PRSS22: variants seen among roughly 807,000 people sequenced by gnomAD.
PRSS22 encodes the protein serine protease 22.
Under a neutral mutation model 28.0 loss-of-function variants are expected in PRSS22, and 26 were observed. That is an observed-to-expected ratio of 0.93 (90% CI 0.68 to 1.29). The LOEUF (loss-of-function observed/expected upper bound fraction) is 1.29, where lower values mean the gene tolerates loss of function less well. Ranked by LOEUF, PRSS22 falls within the 50% of genes most tolerant of loss-of-function variation. The pLI is 0.00. For missense variants in PRSS22, 444 were observed against 422.1 expected (o/e 1.05, Z -0.46); for synonymous variants, 217 against 177.9 (o/e 1.22, Z -1.75).
intron 4 of PRSS22, 47 bp downstream of exon 4, chr16:2,855,527 T>G (rs2069446376): frequency 3.1e-6 from 5 of 1,605,280 alleles, no homozygotes; most frequent in Non-Finnish European, 4.3e-6. Flanking sequence ...TCTGCCATCC[T>G]CTGTCCCCAT....
At chr16:2,857,310 CCCCAGCGCCCAGTGACGAGGGGGT>C (rs2069470283) in intron 1 of PRSS22, 12 of 221,350 alleles carry the variant, frequency 5.4e-5, no homozygotes, top group African/African-American at 2.8e-4. Context: ...GAGGAGGGGT[CCCCAGCGCCCAGTGACGAGGGGGT>C]CCCAGCGCTC....
At position 2,858,019 on chromosome 16, in the gene PRSS22, G is replaced by A. The variant is rs1022870476; in HGVS notation, c.82+4C>T. The A allele has an allele frequency of 4.2e-5, 54 of 1,278,678 alleles. No individual in the cohort carries two copies. The highest frequency in any genetic ancestry group is 4.8e-5 in the Non-Finnish European group (48 of 1,003,978). The allele number at this position is 1,278,678 out of a possible 1,614,324, so 79.2% of individuals were successfully genotyped here. On this transcript the variant is annotated splice_donor_region_variant and intron_variant, in intron 1 of 5. Transcript: ENST00000161006. ...GAGGAGGGAGGAGCAGCCTCCGGAC[G>A]TACCTGTCGACGCCAGCAGCAGCAG...
chr16:2,853,084 C>G lies in PRSS22; in HGVS notation c.*9G>C, dbSNP rs1391099209. On this transcript the variant is annotated 3_prime_UTR_variant, in exon 6 of 6. Coordinates refer to ENST00000161006, the MANE Select transcript of PRSS22 (RefSeq NM_022119.4). This position sits in a 1 kb window ranked among gnomAD's most constrained non-coding sequence, Gnocchi z 4.6. ...CCTTTCAGATCCGAGCCCCGCGTCCCGCTGCGCCCTAGGAGCGCGCGGCGG... is the reference window on the plus strand; with the variant it reads ...CCTTTCAGATCCGAGCCCCGCGTCCGGCTGCGCCCTAGGAGCGCGCGGCGG... 1 of 1,547,902 alleles carries G rather than the reference C, an allele frequency of 6.5e-7. No individual in the cohort carries two copies. The highest frequency in any genetic ancestry group is 8.7e-7 in the Non-Finnish European group (1 of 1,148,100).
Position 2,853,864 on chromosome 16 carries a change from C to A in PRSS22, c.717+1G>T. 6.2e-7 allele frequency: 1 copy of A among 1,613,816 alleles called. No individual in the cohort carries two copies. The highest frequency in any genetic ancestry group is 8.5e-7 in the Non-Finnish European group (1 of 1,179,986). Reference sequence around the variant, plus strand: ...GGGGTGGGGGGCTCGAGGGAGCTCACCAGACAAGCATCCCGCTCCCCCTCC... The same window carrying A: ...GGGGTGGGGGGCTCGAGGGAGCTCAACAGACAAGCATCCCGCTCCCCCTCC... On this transcript the variant is annotated splice_donor_variant, in intron 5 of 5. Coordinates refer to ENST00000161006, the MANE Select transcript of PRSS22 (RefSeq NM_022119.4). LOFTEE classifies it high-confidence loss of function. This position sits in a 1 kb window ranked among gnomAD's most constrained non-coding sequence, Gnocchi z 4.6.
At chr16:2,856,673 T>C in intron 2 of PRSS22, 149 bp downstream of exon 2, 2 of 885,444 alleles carry the variant, frequency 2.3e-6, no homozygotes, top group Admixed American at 4.2e-5. Flanking sequence ...TGCATCCGTG[T>C]CTCCTTCCTG....
intron 4 of PRSS22, 54 bp from the exon 5 acceptor site, chr16:2,854,076 C>T: frequency 5.6e-6 from 9 of 1,594,576 alleles, no homozygotes; most frequent in Non-Finnish European, 6.9e-6. Flanking sequence ...CTCGTTGCCT[C>T]CTCAAAGGAC....
intron 1 of PRSS22, 100 bp from the exon 2 acceptor site, chr16:2,856,948 TAAG>T (rs1350345067): frequency 1.5e-6 from 2 of 1,352,252 alleles, no homozygotes; most frequent in African/African-American, 2.9e-5. Flanking sequence ...CAACACCCAG[TAAG>T]AAGGGATCCC....
Position 2,855,645 on chromosome 16 carries a change from G to C in PRSS22, c.488C>G (p.Pro163Arg). Residue 163 changes from proline to arginine, a missense_variant, in exon 4 of 6, where the codon CCT becomes CGT. By Grantham distance (103) the Pro-to-Arg change is moderately radical. Coordinates refer to ENST00000161006, the MANE Select transcript of PRSS22 (RefSeq NM_022119.4). The part of the protein sequence containing the change: ...FSERVLPICL[P>R]DASIHLPPNT... ...TGGAGGGAGGTGGATAGAGGCATCAGGTAGGCAGATGGGCAGGACCCGCTC... is the reference window on the plus strand; with the variant it reads ...TGGAGGGAGGTGGATAGAGGCATCACGTAGGCAGATGGGCAGGACCCGCTC... 6.2e-7 allele frequency: 1 copy of C among 1,614,170 alleles called. No homozygotes were observed. Among genetic ancestry groups the C allele is most frequent in the African/African-American group, 1.3e-5 (1 of 75,038 alleles).
chr16:2,858,087 C>A lies in PRSS22; in HGVS notation c.18G>T (p.Ala6=). Residue 6 remains alanine, a synonymous_variant, in exon 1 of 6, where the codon GCG becomes GCT. Transcript: ENST00000161006. MVVSG[A]PPALGGGCLG... ...GACAGCCCCCACCCAGGGCTGGGGGCGCTCCAGAAACCACCATGGCTGGTG... is the reference window on the plus strand; with the variant it reads ...GACAGCCCCCACCCAGGGCTGGGGGAGCTCCAGAAACCACCATGGCTGGTG... The A allele has an allele frequency of 7.9e-7, 1 of 1,271,056 alleles. No homozygotes were observed. The highest frequency in any genetic ancestry group is 1.0e-6 in the Non-Finnish European group (1 of 1,000,854). 78.7% of individuals were successfully genotyped at this position (1,271,056 alleles called of 1,614,324 possible).
Position 2,853,961 on chromosome 16 carries a change from G to A in PRSS22, c.621C>T (p.Val207=). 7 of 1,614,232 alleles carry A rather than the reference G, an allele frequency of 4.3e-6. No homozygotes were observed. Among genetic ancestry groups the A allele is most frequent in the Non-Finnish European group, 5.1e-6 (6 of 1,180,036 alleles). Residue 207 remains valine, a synonymous_variant, in exon 5 of 6, where the codon GTC becomes GTT. Coordinates refer to ENST00000161006, the MANE Select transcript of PRSS22 (RefSeq NM_022119.4). The surrounding 1 kb of genome is among the most constrained non-coding windows in gnomAD (Gnocchi z 4.6). ...CTCCCCGCCAGTACAGATGGCTGCA[G>A]ACTTCCGAGTCGATGATAGGAACCT... ...KLKVPIIDSE[V]CSHLYWRGAG... is the part of the protein sequence containing the mutation.
rs770631804 is a variant in PRSS22 at position 2,853,145 on chromosome 16, C to A, written c.902G>T (p.Gly301Val). Residue 301 changes from glycine to valine, a missense_variant, in exon 6 of 6, where the codon GGT (glycine) becomes GTT (valine). Transcript: ENST00000161006. The surrounding 1 kb of genome is among the most constrained non-coding windows in gnomAD (Gnocchi z 4.6). ...CTGGCTCGGTGCCCTGAGGGCCCCA[C>A]CCCCCTGAGCGCGCCCGCGGAGCTG... ...GVQLRGRAQGGGALRAPSQGS... is the reference protein window; with the variant it reads ...GVQLRGRAQGVGALRAPSQGS... 1.1e-5 allele frequency: 18 copies of A among 1,597,584 alleles called. No individual in the cohort carries two copies. Among genetic ancestry groups the A allele is most frequent in the Non-Finnish European group, 1.4e-5 (17 of 1,178,992 alleles).
At position 2,852,985 on chromosome 16, in the gene PRSS22, TA is replaced by T. The variant is rs1567288987; in HGVS notation, c.*107del. The T allele has an allele frequency of 9.4e-5, 64 of 679,692 alleles. No homozygotes were observed. In the East Asian group the frequency reaches 1.9e-3, roughly 21 times the overall value. 42.1% of individuals were successfully genotyped at this position (679,692 alleles called of 1,614,324 possible). A position where few individuals can be genotyped will look rare whatever the true frequency, so the allele number is the denominator to read the frequency against. ...CCGTCCGGGCCCCCAGAGGTAGAGG[TA>T]GATGAGCCTATTTACGGCGGGGGAA... On this transcript the variant is annotated 3_prime_UTR_variant, in exon 6 of 6. Coordinates refer to ENST00000161006, the MANE Select transcript of PRSS22 (RefSeq NM_022119.4).
At chr16:2,857,351 G>A (rs544032327) in intron 1 of PRSS22, among the ~76,000 whole-genome samples, 1 of 149,494 alleles carries the variant, frequency 6.7e-6, no homozygotes, top group Non-Finnish European at 1.5e-5. Context: ...GCTCAGTGAG[G>A]AGGGGGTCCC....
chr16:2,855,206 G>A (rs909309401), intron 4 of PRSS22, among the ~76,000 whole-genome samples: 1 of 151,858 alleles, frequency 6.6e-6, no homozygotes, highest in African/African-American at 2.4e-5. Context: ...AAATTAGCCA[G>A]GTGTGGTAGC....
chr16:2,855,453 C>T, intron 4 of PRSS22, 121 bp downstream of exon 4: 1 of 1,103,184 alleles, frequency 9.1e-7, no homozygotes. Context: ...TTTCCTTCCA[C>T]CTCTGTCATG....
intron 1 of PRSS22, 65 bp downstream of exon 1, chr16:2,857,958 G>A: frequency 1.7e-6 from 2 of 1,175,740 alleles, no homozygotes; most frequent in Non-Finnish European, 2.2e-6. Context: ...GAGAGAGGGA[G>A]GGAGGGAAGG....
Position 2,852,960 on chromosome 16 carries a change from C to T in PRSS22, c.*133G>A. On this transcript the variant is annotated 3_prime_UTR_variant, in exon 6 of 6. Transcript: ENST00000161006. ...GGAGGGGGTTTCCTTTCCGCAGCAG[C>T]CGTCCGGGCCCCCAGAGGTAGAGGT... 1.6e-6 allele frequency: 1 copy of T among 606,080 alleles called. No individual in the cohort carries two copies. Among genetic ancestry groups the T allele is most frequent in the Non-Finnish European group, 2.6e-6 (1 of 386,314 alleles). 37.5% of individuals were successfully genotyped at this position (606,080 alleles called of 1,614,324 possible). A position where few individuals can be genotyped will look rare whatever the true frequency, so the allele number is the denominator to read the frequency against.
At chr16:2,856,742 C>T in intron 2 of PRSS22, 80 bp downstream of exon 2, 1 of 1,506,282 alleles carries the variant, frequency 6.6e-7, no homozygotes, top group Non-Finnish European at 9.0e-7. Context: ...GACCTGTGCC[C>T]AGGGGACGGA....
intron 4 of PRSS22, among the ~76,000 whole-genome samples, chr16:2,855,135 C>T (rs1479254177): frequency 6.6e-6 from 1 of 151,822 alleles, no homozygotes; most frequent in African/African-American, 2.4e-5. Context: ...ATTGCTTGAG[C>T]CCAACAGTTC....
Sources: allele counts gnomAD v4.1 joint callset (sites outside exome capture counted in the v4.1 genomes callset), GRCh38; gene constraint gnomAD v4.1.1; non-coding constraint Gnocchi (gnomAD v3.1); transcripts MANE v1.5; gene names NCBI Gene and HGNC (gene_info 2026-07-23, HGNC 2026-07-21).